Variants in SHISA9 observed in about 807,000 individuals in gnomAD.
The protein encoded by SHISA9 is shisa family member 9.
In SHISA9, 13 loss-of-function variants were observed where a neutral mutation model predicts 38.0. The ratio of observed to expected loss-of-function variants is 0.34; its 90% CI spans 0.22 to 0.54. The LOEUF is 0.54. Among genes scored for constraint, SHISA9 ranks in the 20% least tolerant of loss-of-function variants. The pLI is 0.91. For missense variants in SHISA9, 538 were observed against 575.8 expected, an observed-to-expected ratio of 0.93 and a Z score of 0.67; for synonymous variants, 275 against 242.0, an observed-to-expected ratio of 1.14 and a Z score of -1.27.
the SHISA9 span, among the ~76,000 whole-genome samples, chr16:13,259,725 A>T: frequency 5.3e-5 from 8 of 152,280 alleles, no homozygotes; most frequent in South Asian, 1.2e-3. Flanking sequence ...TCCAAGCCGT[A>T]TGTTGGCCCC....
the SHISA9 span, among the ~76,000 whole-genome samples, chr16:13,340,597 C>T: frequency 6.6e-6 from 1 of 152,192 alleles, no homozygotes; most frequent in Non-Finnish European, 1.5e-5. Flanking sequence ...AAACCCTCCA[C>T]CACAATCCGG....
chr16:13,492,142 C>T, the SHISA9 span, among the ~76,000 whole-genome samples: 18 of 152,080 alleles, frequency 1.2e-4, 1 homozygote, highest in East Asian at 1.7e-3. Flanking sequence ...CTCTCTGTTC[C>T]GGTGTCACCA....
At chr16:12,965,597 C>A (rs1038160735) in intron 2 of SHISA9, among the ~76,000 whole-genome samples, 1 of 152,178 alleles carries the variant, frequency 6.6e-6, no homozygotes, top group Non-Finnish European at 1.5e-5. Flanking sequence ...TAGCTTCCAA[C>A]GTCACTTAGG....
At chr16:13,558,703 G>A in the SHISA9 span, among the ~76,000 whole-genome samples, 1 of 152,064 alleles carries the variant, frequency 6.6e-6, no homozygotes, top group Non-Finnish European at 1.5e-5. Flanking sequence ...ACTTTATTTG[G>A]GGAACAATTT....
intron 4 of SHISA9, among the ~76,000 whole-genome samples, chr16:13,221,477 C>A (rs1250319137): frequency 6.7e-6 from 1 of 148,550 alleles, no homozygotes; most frequent in Admixed American, 6.7e-5. Flanking sequence ...AACTCTTTCC[C>A]TATCACTTTT....
chr16:13,407,070 CAAAAAAAAAAA>C, the SHISA9 span, among the ~76,000 whole-genome samples: 2 of 45,618 alleles, frequency 4.4e-5, no homozygotes, highest in African/African-American at 1.8e-4. Context: ...CTCTGTCTCA[CAAAAAAAAAAA>C]AAAAAAAAAA....
At chr16:13,419,835 T>G in the SHISA9 span, among the ~76,000 whole-genome samples, 1 of 152,180 alleles carries the variant, frequency 6.6e-6, no homozygotes, top group African/African-American at 2.4e-5. Context: ...GCAGGCTGGA[T>G]TTGGCCCATG....
chr16:13,294,587 A>G, the SHISA9 span, among the ~76,000 whole-genome samples: 1 of 152,288 alleles, frequency 6.6e-6, no homozygotes, highest in South Asian at 2.1e-4. Flanking sequence ...AAGAAATAAC[A>G]TTCCACTTGT....
At chr16:12,906,539 C>T (rs57654805) in intron 1 of SHISA9, among the ~76,000 whole-genome samples, 7,617 of 152,186 alleles carry the variant, frequency 0.05, 653 homozygotes, top group African/African-American at 0.17. Context: ...CACAGTCAGT[C>T]ACTATTTATT....
chr16:13,510,459 A>G, the SHISA9 span, among the ~76,000 whole-genome samples: 1 of 152,226 alleles, frequency 6.6e-6, no homozygotes, highest in African/African-American at 2.4e-5. Context: ...AACAAACTCT[A>G]CTGTGATAGA....
intron 2 of SHISA9, among the ~76,000 whole-genome samples, chr16:13,045,120 G>T (rs1157372942): frequency 1.3e-5 from 2 of 152,156 alleles, no homozygotes; most frequent in Admixed American, 6.5e-5. Flanking sequence ...CAACATGCTT[G>T]TTATTATGGA....
At chr16:13,287,564 C>T in the SHISA9 span, among the ~76,000 whole-genome samples, 3 of 152,114 alleles carry the variant, frequency 2.0e-5, no homozygotes, top group African/African-American at 7.2e-5. Context: ...GTAAGTCGAT[C>T]CACATGGCCA....
chr16:13,323,586 A>G, the SHISA9 span, among the ~76,000 whole-genome samples: 2 of 152,178 alleles, frequency 1.3e-5, no homozygotes, highest in African/African-American at 4.8e-5. Flanking sequence ...TCATCTATAA[A>G]GAAAAGAGGT....
At chr16:13,078,382 T>G (rs573286696) in intron 2 of SHISA9, among the ~76,000 whole-genome samples, 1 of 152,102 alleles carries the variant, frequency 6.6e-6, no homozygotes, top group East Asian at 1.9e-4. Context: ...TATTATTTTT[T>G]ATTGTTGTAT....
intron 2 of SHISA9, among the ~76,000 whole-genome samples, chr16:12,960,989 C>G (rs1412204023): frequency 6.6e-6 from 1 of 151,384 alleles, no homozygotes; most frequent in South Asian, 2.1e-4. Flanking sequence ...AAACAGCTAG[C>G]AGTGCAATCA....
At chr16:13,358,605 G>A in the SHISA9 span, among the ~76,000 whole-genome samples, 8 of 152,012 alleles carry the variant, frequency 5.3e-5, no homozygotes, top group African/African-American at 1.2e-4. Context: ...CCCAAAAACC[G>A]TAAGAGAGTA....
chr16:13,300,799 G>A, the SHISA9 span, among the ~76,000 whole-genome samples: 3 of 151,656 alleles, frequency 2.0e-5, no homozygotes, highest in African/African-American at 7.3e-5. Flanking sequence ...ACAAAATGGA[G>A]CACTTATTGG....
the SHISA9 span, among the ~76,000 whole-genome samples, chr16:13,496,681 A>G: frequency 2.0e-5 from 3 of 152,170 alleles, no homozygotes; most frequent in Non-Finnish European, 4.4e-5. Context: ...GGAGGTGATG[A>G]GTTACAAAAT....
At chr16:12,969,760 C>G (rs1212058423) in intron 2 of SHISA9, among the ~76,000 whole-genome samples, 2 of 151,396 alleles carry the variant, frequency 1.3e-5, no homozygotes, top group South Asian at 4.2e-4. Context: ...GCCCTCCCCA[C>G]CAAAAAAAAT....
Sources: gnomAD v4.1 joint callset for allele counts (sites outside exome capture counted in the v4.1 genomes callset) on GRCh38, gnomAD v4.1.1 for gene constraint, MANE v1.5 for transcripts, NCBI Gene and HGNC (gene_info 2026-07-23, HGNC 2026-07-21) for gene names.